The following TCF7L2 variants were observed in gnomAD, a reference collection of about 807,000 sequenced individuals.
TCF7L2 encodes the protein transcription factor 7 like 2.
In TCF7L2, 23 loss-of-function variants were observed where a neutral mutation model predicts 77.9. That is an observed-to-expected ratio of 0.30 (90% confidence interval 0.21 to 0.42). The LOEUF is 0.42. Ranked by LOEUF, TCF7L2 falls within the 10% of genes least tolerant of loss-of-function variation. The probability of loss-of-function intolerance (pLI) is 1.00; values close to 1 mark genes in which losing one functional copy is unlikely to be tolerated. For missense variants in TCF7L2, 654 were observed against 793.1 expected (o/e 0.82, Z 2.11); for synonymous variants, 413 against 340.2 (o/e 1.21, Z -2.36).
At chr10:113,015,968 G>T (rs2047268011) in intron 4 of TCF7L2, among the ~76,000 whole-genome samples, 1 of 152,152 alleles carries the variant, frequency 6.6e-6, no homozygotes, top group Non-Finnish European at 1.5e-5. Context: ...TGGGGTCTGG[G>T]GTTAAGACCA....
chr10:112,978,107 A>C (rs1292290303), intron 4 of TCF7L2, among the ~76,000 whole-genome samples: 4 of 152,228 alleles, frequency 2.6e-5, no homozygotes, highest in African/African-American at 9.6e-5. Context: ...AGAAAGAAAA[A>C]GGACAGCTAA....
chr10:112,967,392 C>T (rs2037198105), intron 4 of TCF7L2, among the ~76,000 whole-genome samples: 2 of 152,308 alleles, frequency 1.3e-5, no homozygotes, highest in Middle Eastern at 3.4e-3. Context: ...TTTTCCCTTC[C>T]CATCCCTCCT....
At chr10:113,160,987 G>A (rs2073075967) in intron 13 of TCF7L2, among the ~76,000 whole-genome samples, 1 of 152,164 alleles carries the variant, frequency 6.6e-6, no homozygotes, top group African/African-American at 2.4e-5. Context: ...CCAGCATCCT[G>A]GAGCTGGTCC....
chr10:113,015,909 T>G (rs1467489733), intron 4 of TCF7L2, among the ~76,000 whole-genome samples: 6 of 152,226 alleles, frequency 3.9e-5, no homozygotes, highest in Non-Finnish European at 8.8e-5. Flanking sequence ...CCCACTGTGG[T>G]GACAGAGCAG....
Position 113,144,035 on chromosome 10 carries a change from TC to T in TCF7L2, c.788+12del. Reference sequence around the variant, plus strand: ...GATGGTTAGTACCACAGTAAGGAGTTCCATTTTTTAATTTCCTTTTTGTTTC... The same window carrying T: ...GATGGTTAGTACCACAGTAAGGAGTTCATTTTTTAATTTCCTTTTTGTTTC... On this transcript the variant is annotated intron_variant, in intron 7 of 13. Transcript: ENST00000627217. The T allele has an allele frequency of 1.2e-6, 2 of 1,608,250 alleles. No individual in the cohort carries two copies. Among genetic ancestry groups the T allele is most frequent in the Non-Finnish European group, 1.7e-6 (2 of 1,175,508 alleles).
At chr10:113,037,411 T>G (rs894522664) in intron 4 of TCF7L2, among the ~76,000 whole-genome samples, 1 of 152,150 alleles carries the variant, frequency 6.6e-6, no homozygotes, top group Non-Finnish European at 1.5e-5. Flanking sequence ...TAGCTCTCTC[T>G]GGGCAGTGGG....
intron 13 of TCF7L2, among the ~76,000 whole-genome samples, chr10:113,163,229 C>A (rs906437557): frequency 6.6e-6 from 1 of 152,038 alleles, no homozygotes; most frequent in Non-Finnish European, 1.5e-5. Flanking sequence ...GAGGAAGGTA[C>A]CAGAATGCTC....
intron 13 of TCF7L2, chr10:113,161,635 C>G (rs746707933): frequency 6.5e-7 from 1 of 1,535,824 alleles, no homozygotes; most frequent in Non-Finnish European, 8.7e-7. Flanking sequence ...ACACGCTTCC[C>G]TGTTTGTAGT....
Position 113,125,020 on chromosome 10 carries a change from A to G in TCF7L2, c.553-16164A>G, listed in dbSNP as rs575884874. ...GAAACTTAAGAGTTTCTGTAAATGT[A>G]ATGGTTCATCCTGAATAAAGTGAGA... On this transcript the variant is annotated intron_variant, in intron 5 of 13. Coordinates refer to ENST00000627217, the MANE Select transcript of TCF7L2 (RefSeq NM_001146274.2). Among the ~76,000 whole-genome samples, 3 of 152,254 alleles carry G rather than the reference A, an allele frequency of 2.0e-5. No homozygotes were observed. The South Asian group carries it at 6.2e-4, about 32-fold the overall frequency.
intron 3 of TCF7L2, among the ~76,000 whole-genome samples, chr10:112,952,112 C>T (rs2031803025): frequency 6.6e-6 from 1 of 152,150 alleles, no homozygotes; most frequent in South Asian, 2.1e-4. Context: ...GACTGTGCTG[C>T]GCCCGATGCG....
rs374558338 is a variant in TCF7L2 at position 113,055,295 on chromosome 10, A to T, written c.552+15169A>T. ...TCACACCAATGCTTGATCCTGTTGG[A>T]CTTAAAATTTTTGCCAATTTGCTGG... is the stretch of plus-strand genomic sequence containing the variant. On this transcript the variant is annotated intron_variant, in intron 5 of 13. Coordinates refer to ENST00000627217, the MANE Select transcript of TCF7L2 (RefSeq NM_001146274.2). 7.2e-5 allele frequency among the ~76,000 whole-genome samples: 11 copies of T among 152,310 alleles called. No individual in the cohort carries two copies. In the South Asian group the frequency reaches 2.3e-3, roughly 32 times the overall value.
intron 3 of TCF7L2, among the ~76,000 whole-genome samples, chr10:112,955,969 G>C (rs1282040866): frequency 6.6e-6 from 1 of 151,794 alleles, no homozygotes; most frequent in East Asian, 1.9e-4. Flanking sequence ...CCCTGGCTGT[G>C]TGCAAAAAGT....
chr10:113,165,631 C>T lies in TCF7L2; in HGVS notation c.1468C>T (p.Leu490=), dbSNP rs2137648209. 1 of 1,613,732 alleles carries T rather than the reference C, an allele frequency of 6.2e-7. No individual in the cohort carries two copies. Among genetic ancestry groups the T allele is most frequent in the African/African-American group, 1.3e-5 (1 of 75,008 alleles). ...CCCACCCTCTTCAGATGGAAGCTTA[C>T]TAGATTCGCCTCCCCCCTCCCCGAA... The change falls in exon 14 of 14, where the codon CTA becomes TTA. Residue 490 remains leucine (L), a synonymous_variant. Coordinates refer to ENST00000627217, the MANE Select transcript of TCF7L2 (RefSeq NM_001146274.2).
intron 2 of TCF7L2, 64 bp downstream of exon 2, chr10:112,951,337 G>T (rs2031133394): frequency 2.0e-6 from 2 of 976,626 alleles, no homozygotes; most frequent in Admixed American, 6.5e-5. Context: ...CGCCCCGCGC[G>T]CCCCGGCCCC....
At chr10:113,021,847 A>G (rs1482566513) in intron 4 of TCF7L2, among the ~76,000 whole-genome samples, 2 of 152,180 alleles carry the variant, frequency 1.3e-5, no homozygotes, top group East Asian at 1.9e-4. Context: ...GGAAATCCAC[A>G]CTGGTCTTTG....
chr10:113,130,620 GA>G (rs1363132329), intron 5 of TCF7L2, among the ~76,000 whole-genome samples: 6 of 152,188 alleles, frequency 3.9e-5, no homozygotes, highest in African/African-American at 1.4e-4. Context: ...ATGTGTTTTG[GA>G]AACCCGAGCA....
In TCF7L2 at chr10:112,951,228, C is replaced by A. The variant is rs1351120699; in HGVS notation, c.211C>A (p.Arg71Ser). 2 of 1,581,646 alleles carry A rather than the reference C, an allele frequency of 1.3e-6. No individual in the cohort carries two copies. Among genetic ancestry groups the A allele is most frequent in the Non-Finnish European group, 8.6e-7 (1 of 1,166,706 alleles). ...GAAGGCGGAAAGACGGCCTCCGCCTCGCTCCGAAAGTTTCCGAGACAAATC... is the reference window on the plus strand; with the variant it reads ...GAAGGCGGAAAGACGGCCTCCGCCTAGCTCCGAAAGTTTCCGAGACAAATC... The change falls in exon 2 of 14, where the codon CGC becomes AGC. Residue 71 changes from arginine to serine, a missense_variant. Around this residue, in one of 6 missense-constraint regions of TCF7L2, gnomAD observed 132 missense variants for 123.7 expected, o/e 1.07. Coordinates refer to ENST00000627217, the MANE Select transcript of TCF7L2 (RefSeq NM_001146274.2).
intron 5 of TCF7L2, among the ~76,000 whole-genome samples, chr10:113,043,369 G>A (rs942871252): frequency 7.2e-5 from 11 of 152,190 alleles, no homozygotes; most frequent in African/African-American, 2.7e-4. Flanking sequence ...ACAAGTGGAG[G>A]TCAACTTATC....
chr10:112,987,620 G>T (rs547537487), intron 4 of TCF7L2: 2 of 152,172 alleles, frequency 1.3e-5, no homozygotes, highest in East Asian at 3.9e-4. Context: ...GTGCATTGAC[G>T]AATTTGAAAT....
Sources: allele counts gnomAD v4.1 joint callset (sites outside exome capture counted in the v4.1 genomes callset), GRCh38; gene constraint gnomAD v4.1.1; regional missense constraint gnomAD v4.1.1; transcripts MANE v1.5; gene names NCBI Gene and HGNC (gene_info 2026-07-23, HGNC 2026-07-21).